The following PRELID2 variants were observed in gnomAD, a reference collection of about 807,000 sequenced individuals.
PRELID2 encodes PRELI domain containing 2.
In PRELID2, 25 loss-of-function variants were observed where a neutral mutation model predicts 28.4. The observed-to-expected ratio is 0.88, with a 90% CI of 0.64 to 1.23. PRELID2 has a LOEUF of 1.23. Ranked by LOEUF, PRELID2 falls within the 50% of genes most tolerant of loss-of-function variation. The pLI, the probability that PRELID2 is intolerant of heterozygous loss-of-function variation, is 0.00. For synonymous variants in PRELID2, 76 were observed against 71.6 expected (o/e 1.06, Z -0.31); for missense variants, 201 against 214.4 (o/e 0.94, Z 0.39).
chr5:145,742,745 G>T (rs1366523920), intron 1 of PRELID2, among the ~76,000 whole-genome samples: 1 of 150,744 alleles, frequency 6.6e-6, no homozygotes, highest in East Asian at 2.0e-4. Context: ...AAATAATAAA[G>T]ATAAGAGCAG....
the PRELID2 span, among the ~76,000 whole-genome samples, chr5:145,418,066 T>C: frequency 2.0e-5 from 3 of 152,124 alleles, no homozygotes; most frequent in Non-Finnish European, 4.4e-5. Context: ...ATAAAGTCAA[T>C]GCACAGAAAT....
At chr5:145,435,866 T>G in the PRELID2 span, among the ~76,000 whole-genome samples, 2 of 152,214 alleles carry the variant, frequency 1.3e-5, no homozygotes, top group Non-Finnish European at 2.9e-5. Context: ...TCTGCGCAAG[T>G]TAATTAGTTT....
chr5:145,559,211 C>T (rs1384327152), intron 1 of PRELID2, among the ~76,000 whole-genome samples: 2 of 151,562 alleles, frequency 1.3e-5, no homozygotes, highest in South Asian at 2.1e-4. Flanking sequence ...GCCGAGATTC[C>T]GCACTGCACT....
intron 1 of PRELID2, among the ~76,000 whole-genome samples, chr5:145,742,144 T>A (rs1480918097): frequency 1.6e-5 from 2 of 123,018 alleles, no homozygotes; most frequent in African/African-American, 6.2e-5. Flanking sequence ...ATAAATAAAT[T>A]TATTTATTTA....
chr5:145,348,265 A>G, the PRELID2 span, among the ~76,000 whole-genome samples: 1 of 152,282 alleles, frequency 6.6e-6, no homozygotes, highest in Admixed American at 6.5e-5. Context: ...TCAAAACATA[A>G]TCAGTGAATC....
intron 1 of PRELID2, among the ~76,000 whole-genome samples, chr5:145,546,880 T>C (rs1752792438): frequency 6.6e-6 from 1 of 152,138 alleles, no homozygotes; most frequent in Non-Finnish European, 1.5e-5. Context: ...GAAAACAGCT[T>C]AGCTTCATGG....
intron 1 of PRELID2, among the ~76,000 whole-genome samples, chr5:145,547,365 C>T (rs1403102119): frequency 6.6e-6 from 1 of 152,092 alleles, no homozygotes; most frequent in Non-Finnish European, 1.5e-5. Context: ...TAGCTCTGTA[C>T]TCAAAGATTA....
intron 4 of PRELID2, among the ~76,000 whole-genome samples, chr5:145,797,907 C>T (rs1008729922): frequency 6.6e-6 from 1 of 151,778 alleles, no homozygotes; most frequent in African/African-American, 2.4e-5. Flanking sequence ...AATTACCTCA[C>T]AAAGAACTTG....
chr5:145,402,480 T>A, the PRELID2 span, among the ~76,000 whole-genome samples: 3 of 152,182 alleles, frequency 2.0e-5, no homozygotes, highest in Admixed American at 2.0e-4. Context: ...TTGGTTTGAA[T>A]CAGATCCAGG....
intron 4 of PRELID2, among the ~76,000 whole-genome samples, chr5:145,817,201 AAATAAATAAAT>A (rs1561643605): frequency 4.2e-5 from 3 of 72,100 alleles, no homozygotes; most frequent in African/African-American, 1.4e-4. Flanking sequence ...AAAAAAAAAT[AAATAAATAAAT>A]AAAAAAAAAT....
chr5:145,730,151 G>A (rs1400161933), intron 1 of PRELID2, among the ~76,000 whole-genome samples: 4 of 152,102 alleles, frequency 2.6e-5, no homozygotes, highest in Non-Finnish European at 5.9e-5. Flanking sequence ...CTTTAGCACA[G>A]AGCTTAGTGT....
Position 145,758,131 on chromosome 5 carries a change from C to T in PRELID2, c.*2405G>A, listed in dbSNP as rs1414816337. ...GTTTTGGCCAGCACAATGTTTTAAA[C>T]AATTCTGAATTGGTTGCCAATAAAA... On this transcript the variant is annotated 3_prime_UTR_variant, in exon 7 of 7. Transcript: ENST00000683046. 6.6e-6 allele frequency among the ~76,000 whole-genome samples: 1 copy of T among 151,938 alleles called. No individual in the cohort carries two copies. The highest frequency in any genetic ancestry group is 1.5e-5 in the Non-Finnish European group (1 of 67,968).
chr5:145,603,014 T>G (rs1323174962), intron 1 of PRELID2, among the ~76,000 whole-genome samples: 2 of 152,082 alleles, frequency 1.3e-5, no homozygotes, highest in Non-Finnish European at 2.9e-5. Flanking sequence ...ACCGCGCCAT[T>G]GCACTCCAGC....
intron 6 of PRELID2, among the ~76,000 whole-genome samples, chr5:145,762,129 G>A (rs1186988207): frequency 6.6e-6 from 1 of 152,070 alleles, no homozygotes; most frequent in Non-Finnish European, 1.5e-5. Context: ...TTGAGAGTTG[G>A]AATTATATAA....
At chr5:145,306,814 A>G in the PRELID2 span, among the ~76,000 whole-genome samples, 5 of 151,924 alleles carry the variant, frequency 3.3e-5, no homozygotes, top group East Asian at 9.7e-4. Flanking sequence ...CCATCAACAG[A>G]ATATCTACAC....
chr5:145,454,898 G>T, the PRELID2 span, among the ~76,000 whole-genome samples: 2 of 152,128 alleles, frequency 1.3e-5, no homozygotes, highest in Non-Finnish European at 2.9e-5. Flanking sequence ...CAGATGGATA[G>T]ATTGCAAAAA....
At chr5:145,409,494 G>T in the PRELID2 span, among the ~76,000 whole-genome samples, 2 of 152,032 alleles carry the variant, frequency 1.3e-5, no homozygotes, top group African/African-American at 2.4e-5. Context: ...AACACATAAG[G>T]CCTCACATAA....
the PRELID2 span, among the ~76,000 whole-genome samples, chr5:145,384,867 A>G: frequency 2.6e-5 from 4 of 152,312 alleles, 1 homozygote; most frequent in African/African-American, 9.6e-5. Flanking sequence ...GTATGGTTGT[A>G]AACCATTCAT....
At chr5:145,488,763 T>C (rs893155352) in intron 1 of PRELID2, among the ~76,000 whole-genome samples, 1 of 152,204 alleles carries the variant, frequency 6.6e-6, no homozygotes, top group African/African-American at 2.4e-5. Context: ...TAAGCCTCTA[T>C]ACAATCGAGT....
Sources: allele counts gnomAD v4.1 joint callset (sites outside exome capture counted in the v4.1 genomes callset), GRCh38; gene constraint gnomAD v4.1.1; transcripts MANE v1.5; gene names NCBI Gene and HGNC (gene_info 2026-07-23, HGNC 2026-07-21).